The following PROX1 variants were observed in gnomAD, a reference collection of about 807,000 sequenced individuals.
PROX1 encodes the protein prospero homeobox protein 1.
PROX1 carries 7 observed loss-of-function variants against 58.8 expected under a neutral mutation model. The observed-to-expected ratio is 0.12, with a 90% CI of 0.07 to 0.22. The LOEUF (loss-of-function observed/expected upper bound fraction) is 0.22. PROX1 is among the 10% of genes least tolerant of loss of function. The probability of loss-of-function intolerance (pLI) is 1.00; values close to 1 mark genes in which losing one functional copy is unlikely to be tolerated. For synonymous variants in PROX1, 350 were observed against 358.3 expected (o/e 0.98, Z 0.26); for missense variants, 675 against 927.8 (o/e 0.73, Z 3.54).
At chr1:214,029,459 A>C (rs1664571070) in intron 4 of PROX1, 1 of 152,130 alleles carries the variant, frequency 6.6e-6, no homozygotes. Flanking sequence ...TCTACCTTTG[A>C]CCCCTTTCAG....
At position 214,002,215 on chromosome 1, in the gene PROX1, C is replaced by T. The variant is rs187687539; in HGVS notation, c.1726-2950C>T. Among the ~76,000 whole-genome samples, 362 of 152,138 alleles carry T rather than the reference C, an allele frequency of 2.4e-3. 1 individual carries two copies. The highest frequency in any genetic ancestry group is 8.3e-3 in the African/African-American group (343 of 41,516). ...CTCCCATTTGCCTTTTTGCTGCCTC[C>T]GCTGCTCCTCCCGTGGCTGCTGTTT... is the stretch of plus-strand genomic sequence containing the variant. On this transcript the variant is annotated intron_variant, in intron 2 of 4. Coordinates refer to ENST00000366958, the MANE Select transcript of PROX1 (RefSeq NM_001270616.2).
At chr1:214,023,496 A>G (rs1664353472) in intron 4 of PROX1, among the ~76,000 whole-genome samples, 1 of 152,198 alleles carries the variant, frequency 6.6e-6, no homozygotes, top group African/African-American at 2.4e-5. Context: ...AGCTGGGATT[A>G]CAGGTGTGCA....
At chr1:213,998,978 A>G (rs1296827422) in intron 2 of PROX1, among the ~76,000 whole-genome samples, 1 of 152,170 alleles carries the variant, frequency 6.6e-6, no homozygotes, top group African/African-American at 2.4e-5. Flanking sequence ...AGCTGCCTCT[A>G]TGCATGATTA....
At chr1:214,027,714 G>A (rs1475208281) in intron 4 of PROX1, among the ~76,000 whole-genome samples, 1 of 152,108 alleles carries the variant, frequency 6.6e-6, no homozygotes, top group Non-Finnish European at 1.5e-5. Context: ...CCGAGAAAAC[G>A]AAAATCTATT....
At chr1:214,007,414 C>T (rs1663755478) in intron 3 of PROX1, among the ~76,000 whole-genome samples, 1 of 152,192 alleles carries the variant, frequency 6.6e-6, no homozygotes, top group African/African-American at 2.4e-5. Context: ...CTGAAGGTCA[C>T]TTCTCTTTTA....
At chr1:213,989,879 A>G in intron 1 of PROX1, 1 of 152,314 alleles carries the variant, frequency 6.6e-6, no homozygotes, top group Non-Finnish European at 1.5e-5. Context: ...AACTAGAAGG[A>G]GGGGTGGTGC....
At chr1:214,023,586 A>G (rs977671663) in intron 4 of PROX1, among the ~76,000 whole-genome samples, 4 of 152,174 alleles carry the variant, frequency 2.6e-5, no homozygotes, top group Non-Finnish European at 4.4e-5. Context: ...GTGTTTGCAA[A>G]AGCAACACCA....
chr1:213,997,269 A>C lies in PROX1; in HGVS notation c.734A>C (p.Asp245Ala). The change falls in exon 2 of 5, where the codon GAC becomes GCC. Residue 245 changes from aspartate (D) to alanine (A), a missense_variant. Asp to Ala is a moderately radical substitution (Grantham distance 126). Coordinates refer to ENST00000366958, the MANE Select transcript of PROX1 (RefSeq NM_001270616.2). This position sits in a 1 kb window ranked among gnomAD's most constrained non-coding sequence, Gnocchi z 7.1. ...CGACAGCTGAAACAGCAGCTGGAGG[A>C]CATGCAGAAACAGCTGCGCCAGCTG... ...ERRQLKQQLE[D>A]MQKQLRQLQE... 1 of 1,613,880 alleles carries C rather than the reference A, an allele frequency of 6.2e-7. No homozygotes were observed.
chr1:214,006,166 C>T (rs1663704720), intron 3 of PROX1, among the ~76,000 whole-genome samples: 2 of 151,800 alleles, frequency 1.3e-5, no homozygotes, highest in South Asian at 4.2e-4. Context: ...CCACTCCTCC[C>T]CTGCCCACCC....
At chr1:214,025,134 C>T (rs1173868617) in intron 4 of PROX1, among the ~76,000 whole-genome samples, 1 of 152,142 alleles carries the variant, frequency 6.6e-6, no homozygotes, top group Non-Finnish European at 1.5e-5. Flanking sequence ...CCCAATTAAA[C>T]GTTCCTAATC....
At position 213,988,410 on chromosome 1, in the gene PROX1, AAGAGAGAGAGAGAGAT is replaced by A. The variant is rs1480709584; in HGVS notation, c.-125_-110del. The A allele has an allele frequency of 9.4e-6, 1 of 106,696 alleles. No homozygotes were observed. The highest frequency in any genetic ancestry group is 3.1e-5 in the African/African-American group (1 of 32,488). 6.6% of individuals were successfully genotyped at this position (106,696 alleles called of 1,614,324 possible). A position where few individuals can be genotyped will look rare whatever the true frequency, so the allele number is the denominator to read the frequency against. ...TTCCTCTCTCTGCCGGGGGAAAAAA[AAGAGAGAGAGAGAGAT>A]AGAGAGAGAGAGAGAGAGAGAGAGA... On this transcript the variant is annotated 5_prime_UTR_variant, in exon 1 of 5. Transcript: ENST00000366958.
intron 1 of PROX1, among the ~76,000 whole-genome samples, chr1:213,993,189 G>A (rs1663099408): frequency 6.6e-6 from 1 of 152,010 alleles, no homozygotes; most frequent in Non-Finnish European, 1.5e-5. Context: ...ATTAAAGAGG[G>A]GTTTACAGGA....
At chr1:214,031,038 T>C (rs764602670) in intron 4 of PROX1, 1,963 of 99,514 alleles carry the variant, frequency 0.02, 23 homozygotes, top group Middle Eastern at 0.068. Context: ...ACACACCGTG[T>C]GTGTGTGTGT....
intron 4 of PROX1, among the ~76,000 whole-genome samples, chr1:214,027,824 T>G (rs1323716287): frequency 6.6e-6 from 1 of 151,984 alleles, no homozygotes; most frequent in African/African-American, 2.4e-5. Context: ...GCTACTGAAT[T>G]TTGCTCAACA....
chr1:214,014,332 A>T (rs992189409), intron 4 of PROX1, among the ~76,000 whole-genome samples: 4 of 152,232 alleles, frequency 2.6e-5, no homozygotes, highest in African/African-American at 7.2e-5. Flanking sequence ...AGTGAAGAGG[A>T]TGGCAAAATG....
upstream of PROX1, chr1:213,987,941 T>TA (rs1211961081): frequency 6.6e-6 from 1 of 151,540 alleles, no homozygotes; most frequent in Non-Finnish European, 1.5e-5. Context: ...AGCTGTGTCT[T>TA]AAAGTAAATC....
intron 4 of PROX1, among the ~76,000 whole-genome samples, chr1:214,031,077 GC>G (rs1558188403): frequency 6.6e-6 from 1 of 151,064 alleles, no homozygotes; most frequent in Non-Finnish European, 1.5e-5. Flanking sequence ...GCGCGCGCGC[GC>G]ATTCGCGCAC....
intron 4 of PROX1, among the ~76,000 whole-genome samples, chr1:214,021,150 T>C (rs908195275): frequency 7.9e-5 from 12 of 152,216 alleles, no homozygotes; most frequent in African/African-American, 2.9e-4. Context: ...GCTCGAGATA[T>C]ATCCAAAATA....
chr1:213,997,187 C>G lies in PROX1; in HGVS notation c.652C>G (p.Gln218Glu). 6.2e-7 allele frequency: 1 copy of G among 1,613,516 alleles called. No homozygotes were observed. Among genetic ancestry groups the G allele is most frequent in the Non-Finnish European group, 8.5e-7 (1 of 1,179,860 alleles). Residue 218 changes from glutamine to glutamate, a missense_variant, in exon 2 of 5, where the codon CAA becomes GAA. By Grantham distance (29) the Gln-to-Glu change is conservative. Around this residue, in one of 8 missense-constraint regions of PROX1, gnomAD observed 403 missense variants for 477.4 expected, o/e 0.84. Coordinates refer to ENST00000366958, the MANE Select transcript of PROX1 (RefSeq NM_001270616.2). This position sits in a 1 kb window ranked among gnomAD's most constrained non-coding sequence, Gnocchi z 7.1. ...CAAGCAAAAGCTTCCCCAGCAGCAG[C>G]AACAGAGTTTCCAGCAGCTGGTTTC... Reference protein sequence around the residue: ...KRKQKLPQQQQQSFQQLVSAR... With the variant: ...KRKQKLPQQQEQSFQQLVSAR...
Sources: gnomAD v4.1 joint callset for allele counts (sites outside exome capture counted in the v4.1 genomes callset) on GRCh38, gnomAD v4.1.1 for gene constraint, gnomAD v4.1.1 regional missense constraint, Gnocchi (gnomAD v3.1) non-coding constraint, MANE v1.5 for transcripts, NCBI Gene and HGNC (gene_info 2026-07-23, HGNC 2026-07-21) for gene names.